ACOT7: variants seen among roughly 807,000 people sequenced by gnomAD.
ACOT7 encodes the protein acyl-CoA thioesterase 7, also known as cytosolic acyl coenzyme A thioester hydrolase.
A neutral mutation model predicts 40.2 loss-of-function variants in ACOT7; 12 were observed. The observed-to-expected ratio is 0.30, with a 90% CI of 0.19 to 0.48. ACOT7 has a LOEUF of 0.48. Ranked by LOEUF, ACOT7 falls within the 20% of genes least tolerant of loss-of-function variation. The pLI is 0.99. For synonymous variants in ACOT7, 228 were observed against 219.5 expected (o/e 1.04, Z -0.34); for missense variants, 395 against 530.8 (o/e 0.74, Z 2.51).
chr1:6,367,425 T>A (rs1557670022), intron 1 of ACOT7, among the ~76,000 whole-genome samples: 1 of 152,176 alleles, frequency 6.6e-6, no homozygotes. Context: ...GCTACCAGCC[T>A]GGAGCTCCCA....
At chr1:6,364,592 G>A (rs997045887) in intron 1 of ACOT7, among the ~76,000 whole-genome samples, 4 of 151,212 alleles carry the variant, frequency 2.6e-5, no homozygotes, top group African/African-American at 9.7e-5. Context: ...GCTCACGCCT[G>A]TAATCCCAGC....
chr1:6,375,076 G>C (rs1642201194), intron 1 of ACOT7, among the ~76,000 whole-genome samples: 1 of 151,426 alleles, frequency 6.6e-6, no homozygotes, highest in Non-Finnish European at 1.5e-5. Context: ...AGGAGATAGA[G>C]ACCATCCTGG....
Position 6,275,244 on chromosome 1 carries a change from A to G in ACOT7, c.1014+5858T>C, listed in dbSNP as rs1639154720. ...CTGCATCCAGCTGCCCTGGCTTCCTAACCAGAAAACAAACCTGCTGAGAAT... is the reference window on the plus strand; with the variant it reads ...CTGCATCCAGCTGCCCTGGCTTCCTGACCAGAAAACAAACCTGCTGAGAAT... On this transcript the variant is annotated intron_variant, in intron 8 of 8. Transcript: ENST00000361521. This position sits in a 1 kb window ranked among gnomAD's most constrained non-coding sequence, Gnocchi z 5.6. 6.6e-6 allele frequency among the ~76,000 whole-genome samples: 1 copy of G among 152,210 alleles called. No individual in the cohort carries two copies. Among genetic ancestry groups the G allele is most frequent in the Admixed American group, 6.5e-5 (1 of 15,282 alleles).
intron 6 of ACOT7, among the ~76,000 whole-genome samples, chr1:6,317,379 TC>T (rs1209252618): frequency 6.6e-6 from 1 of 152,244 alleles, no homozygotes; most frequent in Non-Finnish European, 1.5e-5. Context: ...GTAAAAAGTG[TC>T]CATCTGTGAA....
chr1:6,297,820 G>C (rs1043143634), intron 6 of ACOT7, among the ~76,000 whole-genome samples: 3 of 152,192 alleles, frequency 2.0e-5, no homozygotes, highest in Non-Finnish European at 4.4e-5. Context: ...AGGCAGGAAC[G>C]GGCAGGTGTT....
chr1:6,312,786 T>C (rs1640375960), intron 6 of ACOT7, among the ~76,000 whole-genome samples: 2 of 152,224 alleles, frequency 1.3e-5, no homozygotes, highest in African/African-American at 4.8e-5. Flanking sequence ...AATTTCATAT[T>C]GTGTGCCTGT....
chr1:6,282,768 G>A lies in ACOT7; in HGVS notation c.830-1482C>T, dbSNP rs1639392210. 4 of 1,304,176 alleles carry A rather than the reference G, an allele frequency of 3.1e-6. No individual in the cohort carries two copies. In the South Asian group the frequency reaches 3.7e-5, roughly 12 times the overall value. The allele number at this position is 1,304,176 out of a possible 1,614,324, so 80.8% of individuals were successfully genotyped here. ...TGCTGGGAGAGGAGGAAGGAGCTGT[G>A]TGGTCAGCGCCAGCAGGCATTACGT... On this transcript the variant is annotated intron_variant, in intron 7 of 8. Transcript: ENST00000361521. This position sits in a 1 kb window ranked among gnomAD's most constrained non-coding sequence, Gnocchi z 4.5.
In ACOT7 at chr1:6,355,685, T is replaced by C. The variant is rs1416535983; in HGVS notation, c.144-5819A>G. Among the ~76,000 whole-genome samples the C allele has an allele frequency of 6.6e-6, 1 of 152,178 alleles. No individual in the cohort carries two copies. The highest frequency in any genetic ancestry group is 1.5e-5 in the Non-Finnish European group (1 of 68,018). ...AACCATCTCAACCCTTTCAAATTAA[T>C]AAGTGTTCTTTGAAAACGCTTCAAG... On this transcript the variant is annotated intron_variant, in intron 1 of 8. Transcript: ENST00000361521. The surrounding 1 kb of genome is among the most constrained non-coding windows in gnomAD (Gnocchi z 5.0).
chr1:6,269,284 C>T (rs534261289), intron 8 of ACOT7, among the ~76,000 whole-genome samples: 37 of 152,280 alleles, frequency 2.4e-4, no homozygotes, highest in East Asian at 1.7e-3. Context: ...GTGAGGAAGG[C>T]GATGGACCTG....
rs376623121 is a variant in ACOT7, at chr1:6,358,803, G to A, written c.144-8937C>T. The A allele has an allele frequency of 2.2e-4, 355 of 1,611,310 alleles. No individual in the cohort carries two copies. Among genetic ancestry groups the A allele is most frequent in the Non-Finnish European group, 2.9e-4 (345 of 1,177,570 alleles). ...CCCACAGTGGCCCCTGCACGGCCTA[G>A]ACATGCCCATGACTGGCAGTACCTG... On this transcript the variant is annotated intron_variant, in intron 1 of 8. Transcript: ENST00000361521. The surrounding 1 kb of genome is among the most constrained non-coding windows in gnomAD (Gnocchi z 4.1).
At chr1:6,374,571 G>T (rs1356244181) in intron 1 of ACOT7, among the ~76,000 whole-genome samples, 1 of 152,214 alleles carries the variant, frequency 6.6e-6, no homozygotes, top group Non-Finnish European at 1.5e-5. Context: ...CGCACCACCT[G>T]CAGGCCACAT....
chr1:6,344,763 C>CAAA (rs58594477), intron 2 of ACOT7, among the ~76,000 whole-genome samples: 11 of 56,026 alleles, frequency 2.0e-4, no homozygotes, highest in East Asian at 9.1e-4. Flanking sequence ...GACTCTGTCT[C>CAAA]AAAAAAAAAA....
rs1254164254 is a variant in ACOT7, at chr1:6,294,292, C to G, written c.829+572G>C. ...TGGTGACCTCTGCTCATACAAACTG[C>G]AGAGGCCTGGCCTGTCAAGCTGGCA... On this transcript the variant is annotated intron_variant, in intron 7 of 8. Coordinates refer to ENST00000361521, the MANE Select transcript of ACOT7 (RefSeq NM_007274.4). The surrounding 1 kb of genome is among the most constrained non-coding windows in gnomAD (Gnocchi z 4.6). Among the ~76,000 whole-genome samples, 1 of 152,238 alleles carries G rather than the reference C, an allele frequency of 6.6e-6. No individual in the cohort carries two copies. The highest frequency in any genetic ancestry group is 1.5e-5 in the Non-Finnish European group (1 of 68,044).
chr1:6,389,334 T>G (rs1642495296), intron 1 of ACOT7, among the ~76,000 whole-genome samples: 1 of 152,080 alleles, frequency 6.6e-6, no homozygotes, highest in South Asian at 2.1e-4. Flanking sequence ...GCATGCCAAG[T>G]TATCTGCCTG....
At chr1:6,303,928 T>C (rs1640042439) in intron 6 of ACOT7, among the ~76,000 whole-genome samples, 1 of 152,174 alleles carries the variant, frequency 6.6e-6, no homozygotes, top group African/African-American at 2.4e-5. Context: ...GGGGAGGTCT[T>C]GACTGCTTCC....
At position 6,291,087 on chromosome 1, in the gene ACOT7, A is replaced by G. The variant is rs1204494989; in HGVS notation, c.829+3777T>C. On this transcript the variant is annotated intron_variant, in intron 7 of 8. Coordinates refer to ENST00000361521, the MANE Select transcript of ACOT7 (RefSeq NM_007274.4). Reference sequence around the variant, plus strand: ...AAGTTCATGATTTTATAAAAGTGGAAGTGAGCTAGTATCTACATGAGTTGA... The same window carrying G: ...AAGTTCATGATTTTATAAAAGTGGAGGTGAGCTAGTATCTACATGAGTTGA... Among the ~76,000 whole-genome samples the G allele has an allele frequency of 3.3e-5, 5 of 152,198 alleles. No homozygotes were observed. In the South Asian group the frequency reaches 6.2e-4, roughly 19 times the overall value.
Position 6,299,616 on chromosome 1 carries a change from T to C in ACOT7, c.713-4636A>G, listed in dbSNP as rs1390546042. Among the ~76,000 whole-genome samples the C allele has an allele frequency of 6.6e-6, 1 of 151,922 alleles. No individual in the cohort carries two copies. The highest frequency in any genetic ancestry group is 6.5e-5 in the Admixed American group (1 of 15,276). On this transcript the variant is annotated intron_variant, in intron 6 of 8. Coordinates refer to ENST00000361521, the MANE Select transcript of ACOT7 (RefSeq NM_007274.4). This position sits in a 1 kb window ranked among gnomAD's most constrained non-coding sequence, Gnocchi z 4.1. Reference sequence around the variant, plus strand: ...CAGAGAGGCCCACCCGGCCACCTCCTGACTAGGTACTAGGTCATGGCTTCA... The same window carrying C: ...CAGAGAGGCCCACCCGGCCACCTCCCGACTAGGTACTAGGTCATGGCTTCA...
intron 3 of ACOT7, among the ~76,000 whole-genome samples, chr1:6,336,030 C>CA (rs1244215431): frequency 6.6e-6 from 1 of 152,148 alleles, no homozygotes; most frequent in Non-Finnish European, 1.5e-5. Flanking sequence ...ATGAAAGCAT[C>CA]AAAAGACAAC....
chr1:6,350,702 G>A (rs1361305233), intron 1 of ACOT7, among the ~76,000 whole-genome samples: 2 of 152,210 alleles, frequency 1.3e-5, no homozygotes, highest in Admixed American at 6.5e-5. Flanking sequence ...CCAGGGTCCA[G>A]CATCCACCTG....
Sources: allele counts gnomAD v4.1 joint callset (sites outside exome capture counted in the v4.1 genomes callset), GRCh38; gene constraint gnomAD v4.1.1; non-coding constraint Gnocchi (gnomAD v3.1); transcripts MANE v1.5; gene names NCBI Gene and HGNC (gene_info 2026-07-23, HGNC 2026-07-21).